Variants in ERC1 observed in about 807,000 individuals in gnomAD.
ERC1 encodes RAB6 interacting protein 2.
A neutral mutation model predicts 132.0 loss-of-function variants in ERC1; 56 were observed. The ratio of observed to expected loss-of-function variants is 0.42; its 90% CI spans 0.34 to 0.53. The LOEUF is 0.53. ERC1 is among the 20% of genes least tolerant of loss of function. The pLI is 0.03. For synonymous variants in ERC1, 478 were observed against 476.1 expected, an observed-to-expected ratio of 1.00 and a Z score of -0.05; for missense variants, 1,202 against 1,349.9, an observed-to-expected ratio of 0.89 and a Z score of 1.72.
chr12:1,056,242 G>A (rs1972940019), intron 2 of ERC1, among the ~76,000 whole-genome samples: 1 of 151,996 alleles, frequency 6.6e-6, no homozygotes, highest in African/African-American at 2.4e-5. Flanking sequence ...TAATAAAGTA[G>A]AAGATAATGA....
intron 16 of ERC1, among the ~76,000 whole-genome samples, chr12:1,397,558 A>G (rs1177597273): frequency 6.6e-6 from 1 of 152,234 alleles, no homozygotes; most frequent in African/African-American, 2.4e-5. Context: ...GATGCAGAAT[A>G]ATGTATTTAA....
chr12:1,403,920 C>T (rs560854546), intron 16 of ERC1, among the ~76,000 whole-genome samples: 96 of 152,302 alleles, frequency 6.3e-4, no homozygotes, highest in African/African-American at 2.0e-3. Flanking sequence ...ACAGATGTTT[C>T]GCTCACTTTC....
chr12:1,288,128 A>G (rs989075591), intron 14 of ERC1, among the ~76,000 whole-genome samples: 1 of 152,274 alleles, frequency 6.6e-6, no homozygotes, highest in Non-Finnish European at 1.5e-5. Flanking sequence ...TTATAAAAAC[A>G]TAGCTTGGTG....
chr12:1,121,598 C>G (rs951649664), intron 7 of ERC1, among the ~76,000 whole-genome samples: 1 of 152,014 alleles, frequency 6.6e-6, no homozygotes, highest in Non-Finnish European at 1.5e-5. Context: ...GAGAACCCTT[C>G]TGAGCACTGG....
chr12:1,478,425 T>G (rs11061770), intron 18 of ERC1, among the ~76,000 whole-genome samples: 67,832 of 152,050 alleles, frequency 0.45, 17,528 homozygotes, highest in African/African-American at 0.72. Flanking sequence ...CTTTATATAT[T>G]ATGGATATGC....
chr12:1,048,704 C>T (rs1055863246), intron 2 of ERC1, among the ~76,000 whole-genome samples: 1 of 152,028 alleles, frequency 6.6e-6, no homozygotes, highest in Non-Finnish European at 1.5e-5. Context: ...TTTTTGGTGG[C>T]AAATTTATTA....
chr12:1,342,001 G>C (rs534122103), intron 15 of ERC1, among the ~76,000 whole-genome samples: 8 of 152,216 alleles, frequency 5.3e-5, no homozygotes, highest in Admixed American at 5.2e-4. Context: ...ATTCATAGAT[G>C]AAAGGGGATG....
chr12:1,186,493 G>A (rs1955108629), intron 11 of ERC1, among the ~76,000 whole-genome samples: 1 of 152,162 alleles, frequency 6.6e-6, no homozygotes. Flanking sequence ...ATTTTAAGGA[G>A]GATTATTCAC....
intron 7 of ERC1, among the ~76,000 whole-genome samples, chr12:1,137,692 A>G (rs1949393561): frequency 6.6e-6 from 1 of 151,120 alleles, no homozygotes; most frequent in African/African-American, 2.4e-5. Flanking sequence ...TCTACTAAAA[A>G]TACAAAAAAA....
At chr12:1,240,728 A>G (rs1464965934) in intron 13 of ERC1, among the ~76,000 whole-genome samples, 1 of 152,124 alleles carries the variant, frequency 6.6e-6, no homozygotes, top group Non-Finnish European at 1.5e-5. Flanking sequence ...TCTAAAAATT[A>G]TAAATTTTAA....
At chr12:1,345,281 C>T (rs543584553) in intron 15 of ERC1, among the ~76,000 whole-genome samples, 87 of 151,468 alleles carry the variant, frequency 5.7e-4, no homozygotes, top group Non-Finnish European at 1.1e-3. Context: ...CCTGGGTTCA[C>T]GCCATTCTCC....
At chr12:1,151,113 T>C (rs1472539168) in intron 8 of ERC1, among the ~76,000 whole-genome samples, 2 of 152,204 alleles carry the variant, frequency 1.3e-5, no homozygotes, top group Non-Finnish European at 2.9e-5. Flanking sequence ...AAAAAGTGCA[T>C]TTAAAAAATC....
chr12:1,491,885 TA>T lies in ERC1; in HGVS notation c.*1656del. Reference sequence around the variant, plus strand: ...CCAAATCTAGTTCTTTGACCACCTCTACCACCAGAACCCAGCAGACACTCAC... The same window carrying T: ...CCAAATCTAGTTCTTTGACCACCTCTCCACCAGAACCCAGCAGACACTCAC... On this transcript the variant is annotated 3_prime_UTR_variant, in exon 19 of 19. Transcript: ENST00000360905. The T allele has an allele frequency of 4.3e-6, 1 of 232,658 alleles. No homozygotes were observed. Among genetic ancestry groups the T allele is most frequent in the Non-Finnish European group, 8.5e-6 (1 of 117,698 alleles). 14.4% of individuals were successfully genotyped at this position (232,658 alleles called of 1,614,324 possible).
intron 18 of ERC1, among the ~76,000 whole-genome samples, chr12:1,446,333 G>C (rs1335477237): frequency 6.6e-6 from 1 of 152,084 alleles, no homozygotes; most frequent in Non-Finnish European, 1.5e-5. Context: ...TTGAGACATA[G>C]AAACAGAAAA....
rs534714677 is a variant in ERC1, at chr12:1,077,724, T to C, written c.670-5440T>C. Among the ~76,000 whole-genome samples the C allele has an allele frequency of 1.2e-4, 19 of 152,314 alleles. No individual in the cohort carries two copies. In the Middle Eastern group the frequency reaches 0.01, roughly 82 times the overall value. On this transcript the variant is annotated intron_variant, in intron 2 of 18. Transcript: ENST00000360905. ...CTTACAACTCGATCTTTCCTTAAAC[T>C]CAATGTATCTGTTTTTGGTTGATCA...
intron 15 of ERC1, among the ~76,000 whole-genome samples, chr12:1,296,011 A>AT (rs2079896169): frequency 1.4e-5 from 1 of 73,462 alleles, no homozygotes; most frequent in Admixed American, 1.1e-4. Flanking sequence ...GGTTTAACAG[A>AT]AAAAAAAAAA....
chr12:1,420,449 ATTTATTTATTTG>A (rs1173483634), intron 17 of ERC1, among the ~76,000 whole-genome samples: 1 of 149,708 alleles, frequency 6.7e-6, no homozygotes. Flanking sequence ...TTTTTATTTT[ATTTATTTATTTG>A]TTTATTTATT....
At chr12:1,238,433 AT>A (rs1379285418) in intron 13 of ERC1, among the ~76,000 whole-genome samples, 1 of 151,818 alleles carries the variant, frequency 6.6e-6, no homozygotes, top group Non-Finnish European at 1.5e-5. Flanking sequence ...TTTTTAATTC[AT>A]TTTGTGGTAT....
rs115248794 is a variant in ERC1, at chr12:1,219,875, C to T, written c.2352-16894C>T. On this transcript the variant is annotated intron_variant, in intron 12 of 18. Transcript: ENST00000360905. The stretch of plus-strand genomic sequence containing the variant: ...TACAGGCATGAGCCACCGCACCTGG[C>T]CTGAACTGAACTCTTAGACATTGTC... Among the ~76,000 whole-genome samples, 490 of 152,232 alleles carry T rather than the reference C, an allele frequency of 3.2e-3. 2 individuals carry two copies. Among genetic ancestry groups the T allele is most frequent in the African/African-American group, 0.011 (454 of 41,532 alleles).
Sources: allele counts gnomAD v4.1 joint callset (sites outside exome capture counted in the v4.1 genomes callset), GRCh38; gene constraint gnomAD v4.1.1; transcripts MANE v1.5; gene names NCBI Gene and HGNC (gene_info 2026-07-23, HGNC 2026-07-21).